PRDM15: variants seen among roughly 807,000 people sequenced by gnomAD.
PRDM15 encodes the protein PR/SET domain 15.
A neutral mutation model predicts 128.6 loss-of-function variants in PRDM15; 64 were observed. That is an observed-to-expected ratio of 0.50 (90% CI 0.41 to 0.61). The LOEUF (loss-of-function observed/expected upper bound fraction) is 0.61. Among genes scored for constraint, PRDM15 ranks in the 20% least tolerant of loss-of-function variants. The pLI is 0.00. For synonymous variants in PRDM15, 615 were observed against 621.8 expected, an observed-to-expected ratio of 0.99 and a Z score of 0.16; for missense variants, 1,242 against 1,569.1, an observed-to-expected ratio of 0.79 and a Z score of 3.52.
Position 41,798,528 on chromosome 21 carries a change from GA to G in PRDM15, c.*2711del, listed in dbSNP as rs2061350524. 1 of 152,320 alleles carries G rather than the reference GA, an allele frequency of 6.6e-6. No individual in the cohort carries two copies. The highest frequency in any genetic ancestry group is 6.5e-5 in the Admixed American group (1 of 15,274). 9.4% of individuals were successfully genotyped at this position (152,320 alleles called of 1,614,324 possible). ...ACACGTCACACGCTAGAGCATTCCA[GA>G]GGCCCGAGCCCCTTCTCAACCCACA... On this transcript the variant is annotated 3_prime_UTR_variant, in exon 24 of 24. Transcript: ENST00000398548.
intron 11 of PRDM15, among the ~76,000 whole-genome samples, chr21:41,829,567 C>T (rs1387155555): frequency 6.7e-6 from 1 of 148,244 alleles, no homozygotes; most frequent in African/African-American, 2.5e-5. Context: ...ACATACACAA[C>T]CCACAAACAG....
chr21:41,831,935 T>G (rs2062707895), intron 11 of PRDM15, among the ~76,000 whole-genome samples: 1 of 152,218 alleles, frequency 6.6e-6, no homozygotes, highest in Admixed American at 6.5e-5. Flanking sequence ...CCTAACATAC[T>G]GCTTGCCTTC....
Position 41,828,081 on chromosome 21 carries a change from G to A in PRDM15, c.1534+85C>T, listed in dbSNP as rs2062532416. On this transcript the variant is annotated intron_variant, in intron 12 of 23. Transcript: ENST00000398548. This position sits in a 1 kb window ranked among gnomAD's most constrained non-coding sequence, Gnocchi z 5.7. ...GGCGGCACCGAACTGCTCCCCAAAG[G>A]CCCTGCTGACTGCTCCATGCCGCCC... The A allele has an allele frequency of 7.0e-7, 1 of 1,436,524 alleles. No individual in the cohort carries two copies. 89.0% of individuals were successfully genotyped at this position (1,436,524 alleles called of 1,614,324 possible). A position where few individuals can be genotyped will look rare whatever the true frequency, so the allele number is the denominator to read the frequency against.
In PRDM15 at chr21:41,828,425, G is replaced by A. The variant is rs759517156; in HGVS notation, c.1367-92C>T. 1.8e-5 allele frequency: 25 copies of A among 1,352,162 alleles called. No homozygotes were observed. The highest frequency in any genetic ancestry group is 9.2e-5 in the East Asian group (4 of 43,474). 83.8% of individuals were successfully genotyped at this position (1,352,162 alleles called of 1,614,324 possible). On this transcript the variant is annotated intron_variant, in intron 11 of 23. Coordinates refer to ENST00000398548, the MANE Select transcript of PRDM15 (RefSeq NM_001040424.3). The surrounding 1 kb of genome is among the most constrained non-coding windows in gnomAD (Gnocchi z 5.7). ...TGTGGCCTGAACGTCAATAAAGCGCGGGTGACGGGCATGAGAGTCACGGGG... is the reference window on the plus strand; with the variant it reads ...TGTGGCCTGAACGTCAATAAAGCGCAGGTGACGGGCATGAGAGTCACGGGG...
At chr21:41,878,299 G>T (rs967017558) in intron 1 of PRDM15, among the ~76,000 whole-genome samples, 1 of 152,106 alleles carries the variant, frequency 6.6e-6, no homozygotes, top group Non-Finnish European at 1.5e-5. Context: ...TGTTTCTACC[G>T]TTTTAAACTC....
chr21:41,802,762 T>A lies in PRDM15; in HGVS notation c.2893A>T (p.Thr965Ser). ...TTGGTCTCGTCGCCTACACTGCCTG[T>A]GAACTCCGTCTCTTTCTCTGAGTAT... ...SEYSEKETEFTGSVGDETNSA... is the reference protein window; with the variant it reads ...SEYSEKETEFSGSVGDETNSA... The change falls in exon 23 of 24, where the codon ACA becomes TCA. Residue 965 changes from threonine to serine, a missense_variant. By Grantham distance (58) the Thr-to-Ser change is moderately conservative. This residue lies in a region of PRDM15 where 602 missense variants were observed against 788.3 expected (regional missense o/e 0.76). Transcript: ENST00000398548. 6.2e-7 allele frequency: 1 copy of A among 1,614,232 alleles called. No homozygotes were observed. Among genetic ancestry groups the A allele is most frequent in the East Asian group, 2.2e-5 (1 of 44,886 alleles).
At chr21:41,851,438 A>G (rs1224818797) in intron 5 of PRDM15, among the ~76,000 whole-genome samples, 1 of 151,638 alleles carries the variant, frequency 6.6e-6, no homozygotes, top group Admixed American at 6.6e-5. Context: ...CCCTGGGTGC[A>G]TTGGGCGGGC....
chr21:41,853,858 G>A (rs1051895232), intron 5 of PRDM15, among the ~76,000 whole-genome samples: 7 of 152,154 alleles, frequency 4.6e-5, no homozygotes, highest in East Asian at 1.9e-4. Flanking sequence ...CACTGGAGCC[G>A]GGTGCCATGG....
rs186532875 is a variant in PRDM15 at position 41,832,118 on chromosome 21, C to G, written c.1366+3319G>C. ...GACGTTTTCATGATCACTTTAATGG[C>G]TACGTGATATTCCATCCAGCTCACT... On this transcript the variant is annotated intron_variant, in intron 11 of 23. Transcript: ENST00000398548. The surrounding 1 kb of genome is among the most constrained non-coding windows in gnomAD (Gnocchi z 4.2). Among the ~76,000 whole-genome samples the G allele has an allele frequency of 6.6e-6, 1 of 152,234 alleles. No individual in the cohort carries two copies. The highest frequency in any genetic ancestry group is 1.5e-5 in the Non-Finnish European group (1 of 68,038).
chr21:41,799,069 T>C lies in PRDM15; in HGVS notation c.*2171A>G, dbSNP rs1568859736. On this transcript the variant is annotated 3_prime_UTR_variant, in exon 24 of 24. Transcript: ENST00000398548. Reference sequence around the variant, plus strand: ...ATCTAAATTAGGTTCTTTAACAACATTTGATGCGGTCTTACTCTAGGCACT... The same window carrying C: ...ATCTAAATTAGGTTCTTTAACAACACTTGATGCGGTCTTACTCTAGGCACT... 4 of 152,204 alleles carry C rather than the reference T, an allele frequency of 2.6e-5. No individual in the cohort carries two copies. Among genetic ancestry groups the C allele is most frequent in the Admixed American group, 6.5e-5 (1 of 15,286 alleles). The allele number at this position is 152,204 out of a possible 1,614,324, so 9.4% of individuals were successfully genotyped here.
At chr21:41,803,866 A>C (rs1484134189) in intron 22 of PRDM15, among the ~76,000 whole-genome samples, 1 of 152,160 alleles carries the variant, frequency 6.6e-6, no homozygotes, top group Non-Finnish European at 1.5e-5. Context: ...TTGCTAACTG[A>C]AAGTTTAGTA....
intron 3 of PRDM15, 151 bp from the exon 4 acceptor site, chr21:41,857,480 G>T: frequency 1.2e-6 from 1 of 805,560 alleles, no homozygotes; most frequent in Non-Finnish European, 1.9e-6. Flanking sequence ...TCCAGGCCAG[G>T]CTTGGTGGCT....
In PRDM15 at chr21:41,859,576, C is replaced by T; in HGVS notation, c.131+16G>A. 2 of 1,609,924 alleles carry T rather than the reference C, an allele frequency of 1.2e-6. No individual in the cohort carries two copies. Among genetic ancestry groups the T allele is most frequent in the Non-Finnish European group, 1.7e-6 (2 of 1,176,648 alleles). ...CTGGCATATGGAAGGCCCGGGAGCT[C>T]ACGGCGGTCACTCACCTTGCCCTGC... is the stretch of plus-strand genomic sequence containing the variant. On this transcript the variant is annotated intron_variant, in intron 3 of 23. Coordinates refer to ENST00000398548, the MANE Select transcript of PRDM15 (RefSeq NM_001040424.3). The surrounding 1 kb of genome is among the most constrained non-coding windows in gnomAD (Gnocchi z 5.3).
At position 41,874,519 on chromosome 21, in the gene PRDM15, A is replaced by ATTTT. The variant is rs1453363784; in HGVS notation, c.-10+4750_-10+4751insAAAA. Among the ~76,000 whole-genome samples, 111 of 50,598 alleles carry ATTTT rather than the reference A, an allele frequency of 2.2e-3. 1 individual carries two copies. Among genetic ancestry groups the ATTTT allele is most frequent in the African/African-American group, 6.3e-3 (97 of 15,332 alleles). The allele number at this position is 50,598 out of a possible 152,430, so 33.2% of individuals were successfully genotyped here. ...GCAGCATGCATATATATATATATAT[A>ATTTT]TATATATTTTTTTTTTTTTTTGAAA... is the stretch of plus-strand genomic sequence containing the variant. On this transcript the variant is annotated intron_variant, in intron 1 of 23. Coordinates refer to ENST00000398548, the MANE Select transcript of PRDM15 (RefSeq NM_001040424.3).
chr21:41,828,567 T>C lies in PRDM15; in HGVS notation c.1367-234A>G, dbSNP rs1229878039. Among the ~76,000 whole-genome samples, 1 of 151,482 alleles carries C rather than the reference T, an allele frequency of 6.6e-6. No individual in the cohort carries two copies. Among genetic ancestry groups the C allele is most frequent in the African/African-American group, 2.4e-5 (1 of 41,172 alleles). The stretch of plus-strand genomic sequence containing the variant: ...AAGCAGACACGGAGCTCACCTTTCA[T>C]CACCAAGCAACGCCAGCCGCCTCCC... On this transcript the variant is annotated intron_variant, in intron 11 of 23. Transcript: ENST00000398548. This position sits in a 1 kb window ranked among gnomAD's most constrained non-coding sequence, Gnocchi z 5.7.
At position 41,879,087 on chromosome 21, in the gene PRDM15, G is replaced by C; in HGVS notation, c.-10+183C>G. 8.9e-7 allele frequency: 1 copy of C among 1,129,186 alleles called. No individual in the cohort carries two copies. The highest frequency in any genetic ancestry group is 1.9e-5 in the South Asian group (1 of 51,334). The allele number at this position is 1,129,186 out of a possible 1,614,324, so 69.9% of individuals were successfully genotyped here. A position where few individuals can be genotyped will look rare whatever the true frequency, so the allele number is the denominator to read the frequency against. On this transcript the variant is annotated intron_variant, in intron 1 of 23. Coordinates refer to ENST00000398548, the MANE Select transcript of PRDM15 (RefSeq NM_001040424.3). The surrounding 1 kb of genome is among the most constrained non-coding windows in gnomAD (Gnocchi z 5.1). ...CCGATCGCCAACGGTGCCCGCAGCC[G>C]GCGAATGTAACAAAGAACAGTCGGC... is the stretch of plus-strand genomic sequence containing the variant.
Position 41,820,109 on chromosome 21 carries a change from T to C in PRDM15, c.2126A>G (p.Lys709Arg). The change falls in exon 17 of 24, where the codon AAG (lysine) becomes AGG (arginine). Residue 709 changes from lysine (K) to arginine (R), a missense_variant. Lys to Arg is a conservative substitution (Grantham distance 26, BLOSUM62 2). Coordinates refer to ENST00000398548, the MANE Select transcript of PRDM15 (RefSeq NM_001040424.3). Reference protein sequence around the residue: ...FNSIGNLERHKLIHTGVKSHA... With the variant: ...FNSIGNLERHRLIHTGVKSHA... ...CAGACACGCACCTGTGTGGATGAGC[T>C]TGTGGCGCTCCAGGTTCCCGATGCT... is the stretch of plus-strand genomic sequence containing the variant. 1.2e-6 allele frequency: 2 copies of C among 1,613,708 alleles called. No individual in the cohort carries two copies. The highest frequency in any genetic ancestry group is 1.3e-5 in the African/African-American group (1 of 74,978).
intron 11 of PRDM15, chr21:41,834,644 G>C (rs1052305137): frequency 1.9e-5 from 21 of 1,101,514 alleles, no homozygotes; most frequent in Non-Finnish European, 2.5e-5. Context: ...TGGGCCTCCA[G>C]TGCCACCCAC....
intron 21 of PRDM15, among the ~76,000 whole-genome samples, chr21:41,808,380 G>T (rs2061748462): frequency 6.6e-6 from 1 of 152,206 alleles, no homozygotes; most frequent in African/African-American, 2.4e-5. Flanking sequence ...ACGGTCCCCT[G>T]GCTTCCCGGA....
Sources: allele counts gnomAD v4.1 joint callset (sites outside exome capture counted in the v4.1 genomes callset), GRCh38; gene constraint gnomAD v4.1.1; regional missense constraint gnomAD v4.1.1; non-coding constraint Gnocchi (gnomAD v3.1); transcripts MANE v1.5; gene names NCBI Gene and HGNC (gene_info 2026-07-23, HGNC 2026-07-21).